TYK2: variants seen among roughly 807,000 people sequenced by gnomAD.
The protein encoded by TYK2 is tyrosine kinase 2.
TYK2 carries 65 observed loss-of-function variants against 130.9 expected under a neutral mutation model. The ratio of observed to expected loss-of-function variants is 0.50; its 90% CI spans 0.41 to 0.61. The LOEUF is 0.61. Ranked by LOEUF, TYK2 falls within the 20% of genes least tolerant of loss-of-function variation. The probability of loss-of-function intolerance (pLI) is 0.00; values close to 1 mark genes in which losing one functional copy is unlikely to be tolerated. For synonymous variants in TYK2, 647 were observed against 658.9 expected (o/e 0.98, Z 0.28); for missense variants, 1,378 against 1,610.7 (o/e 0.86, Z 2.47).
intron 11 of TYK2, 30 bp from the exon 12 acceptor site, chr19:10,362,211 G>A (rs746330429): frequency 7.4e-6 from 12 of 1,613,686 alleles, no homozygotes; most frequent in South Asian, 5.5e-5. Context: ...CATGGAGGGC[G>A]GGCCTGGGGG....
At chr19:10,357,621 G>T (rs757820135) in intron 17 of TYK2, 143 bp downstream of exon 17, 1 of 1,168,486 alleles carries the variant, frequency 8.6e-7, no homozygotes, top group Non-Finnish European at 1.2e-6. Context: ...TTGAGCCCCA[G>T]CGAGTGGCCC....
rs148520054 is a variant in TYK2 at position 10,365,699 on chromosome 19, C to A, written c.829G>T (p.Val277Leu). The change falls in exon 7 of 25, where the codon GTG (valine) becomes TTG (leucine). Residue 277 changes from valine to leucine, a missense_variant. By Grantham distance (32) the Val-to-Leu change is conservative. Coordinates refer to ENST00000525621, the MANE Select transcript of TYK2 (RefSeq NM_003331.5). Reference protein sequence around the residue: ...APRFGTERVPVCHLRLLAQAE... With the variant: ...APRFGTERVPLCHLRLLAQAE... Reference sequence around the variant, plus strand: ...TGGGCCAGCAGCCTCAGGTGGCACACGGGCACACGCTCTGTGCCGAAGCGG... The same window carrying A: ...TGGGCCAGCAGCCTCAGGTGGCACAAGGGCACACGCTCTGTGCCGAAGCGG... 3.7e-6 allele frequency: 6 copies of A among 1,613,130 alleles called. No homozygotes were observed. In the South Asian group the frequency reaches 4.4e-5, roughly 12 times the overall value.
At chr19:10,370,075 GC>G (rs1313197296) in intron 3 of TYK2, among the ~76,000 whole-genome samples, 1 of 151,390 alleles carries the variant, frequency 6.6e-6, no homozygotes, top group Non-Finnish European at 1.5e-5. Flanking sequence ...CAAAGAATCA[GC>G]CATGGCCAGG....
chr19:10,352,697 T>C (rs937747970), intron 22 of TYK2, 146 bp from the exon 23 acceptor site: 13 of 723,612 alleles, frequency 1.8e-5, no homozygotes, highest in African/African-American at 3.6e-5. Context: ...CGGGGTGATA[T>C]GCTCATTGGC....
chr19:10,372,480 A>ATTT lies in TYK2; in HGVS notation c.194-4063_194-4062insAAA, dbSNP rs1368114611. Among the ~76,000 whole-genome samples the ATTT allele has an allele frequency of 4.2e-3, 266 of 63,976 alleles. 3 individuals are homozygous for ATTT. Among genetic ancestry groups the ATTT allele is most frequent in the African/African-American group, 0.022 (224 of 10,240 alleles). 42.0% of individuals were successfully genotyped at this position (63,976 alleles called of 152,430 possible). Reference sequence around the variant, plus strand: ...CAGCTATATATATATATATATATATATATATTTTTTTTTTTTTTTTTTTTT... The same window carrying ATTT: ...CAGCTATATATATATATATATATATATTTTATATTTTTTTTTTTTTTTTTTTTT... On this transcript the variant is annotated intron_variant, in intron 3 of 24. Coordinates refer to ENST00000525621, the MANE Select transcript of TYK2 (RefSeq NM_003331.5).
Position 10,351,086 on chromosome 19 carries a change from T to TC in TYK2, c.3394dup (p.Glu1132GlyfsTer12). 1 of 1,614,110 alleles carries TC rather than the reference T, an allele frequency of 6.2e-7. No individual in the cohort carries two copies. Among genetic ancestry groups the TC allele is most frequent in the Non-Finnish European group, 8.5e-7 (1 of 1,180,016 alleles). On this transcript the variant is annotated frameshift_variant, in exon 24 of 25. Transcript: ENST00000525621. LOFTEE classifies it high-confidence loss of function. ...ACATTTGTCGGGCCGTGGCAGCCTC[T>TC]CCCCTCGTTCCAGCAACTCAGTGAG...
At position 10,357,496 on chromosome 19, in the gene TYK2, G is replaced by A. The variant is rs540830489; in HGVS notation, c.2466+268C>T. On this transcript the variant is annotated intron_variant, in intron 17 of 24. Coordinates refer to ENST00000525621, the MANE Select transcript of TYK2 (RefSeq NM_003331.5). Reference sequence around the variant, plus strand: ...TTCTTCCCCACTCTGCAGCCTGGGCGTCTCCCATCGCTGCCCTGGTCACTC... The same window carrying A: ...TTCTTCCCCACTCTGCAGCCTGGGCATCTCCCATCGCTGCCCTGGTCACTC... The A allele has an allele frequency of 1.2e-3, 826 of 705,702 alleles. 1 individual carries two copies. The highest frequency in any genetic ancestry group is 1.6e-3 in the Non-Finnish European group (603 of 387,498). The allele number at this position is 705,702 out of a possible 1,614,324, so 43.7% of individuals were successfully genotyped here.
chr19:10,352,872 C>T lies in TYK2; in HGVS notation c.3200+54G>A, dbSNP rs1223876533. The T allele has an allele frequency of 2.6e-6, 4 of 1,537,360 alleles. No homozygotes were observed. In the East Asian group the frequency reaches 9.1e-5, roughly 35 times the overall value. On this transcript the variant is annotated intron_variant, in intron 22 of 24. Coordinates refer to ENST00000525621, the MANE Select transcript of TYK2 (RefSeq NM_003331.5). ...ATACCCAGCATCCGTCTACTCCACC[C>T]TGCCTGTTCCAAGTGACCCCAGCAC... is the stretch of plus-strand genomic sequence containing the variant.
rs1314158344 is a variant in TYK2 at position 10,362,152 on chromosome 19, C to T, written c.1699G>A (p.Ala567Thr). ...ETSNLIIMRG[A>T]RASPRTLNLS... ...TTGAGTGTCCTGGGGCTGGCCCGAG[C>T]CCCCCGCATGATGATGAGATTGGAG... is the stretch of plus-strand genomic sequence containing the variant. The change falls in exon 12 of 25, where the codon GCT becomes ACT. Residue 567 changes from alanine (A) to threonine (T), a missense_variant. Ala to Thr is a moderately conservative substitution (Grantham distance 58, BLOSUM62 0). Coordinates refer to ENST00000525621, the MANE Select transcript of TYK2 (RefSeq NM_003331.5). 1.2e-6 allele frequency: 2 copies of T among 1,613,858 alleles called. No homozygotes were observed. The highest frequency in any genetic ancestry group is 2.7e-5 in the African/African-American group (2 of 75,032).
chr19:10,364,689 C>G lies in TYK2; in HGVS notation c.1292G>C (p.Ser431Thr). The G allele has an allele frequency of 3.1e-6, 5 of 1,613,818 alleles. No individual in the cohort carries two copies. Among genetic ancestry groups the G allele is most frequent in the Non-Finnish European group, 4.2e-6 (5 of 1,179,992 alleles). The change falls in exon 9 of 25, where the codon AGC (serine) becomes ACC (threonine). Residue 431 changes from serine (S) to threonine (T), a missense_variant. By Grantham distance (58) the Ser-to-Thr change is moderately conservative (BLOSUM62 1). Coordinates refer to ENST00000525621, the MANE Select transcript of TYK2 (RefSeq NM_003331.5). The surrounding 1 kb of genome is among the most constrained non-coding windows in gnomAD (Gnocchi z 4.9). Reference sequence around the variant, plus strand: ...AGCCACCTCGTGGCACAGGTAGTGGCTGGAGTCGGCCGTCAGGCGGAAATA... The same window carrying G: ...AGCCACCTCGTGGCACAGGTAGTGGGTGGAGTCGGCCGTCAGGCGGAAATA... ...DGYFRLTADS[S>T]HYLCHEVAPP...
chr19:10,357,648 G>T, intron 17 of TYK2, 116 bp downstream of exon 17: 1 of 1,432,188 alleles, frequency 7.0e-7, no homozygotes, highest in Non-Finnish European at 9.5e-7. Context: ...TGGTAGCCCA[G>T]AGAGACTTGA....
chr19:10,356,355 G>A (rs2145173211), intron 18 of TYK2, among the ~76,000 whole-genome samples: 1 of 152,294 alleles, frequency 6.6e-6, no homozygotes, highest in East Asian at 1.9e-4. Flanking sequence ...CTCCAGGCTG[G>A]GTGACAGAGC....
chr19:10,379,285 C>T (rs1292735569), intron 2 of TYK2, among the ~76,000 whole-genome samples: 1 of 151,878 alleles, frequency 6.6e-6, no homozygotes, highest in Non-Finnish European at 1.5e-5. Context: ...GCAGTGATCG[C>T]ACCACTGCAT....
In TYK2 at chr19:10,360,362, T is replaced by C. The variant is rs2041338914; in HGVS notation, c.2048-1060A>G. On this transcript the variant is annotated intron_variant, in intron 14 of 24. Coordinates refer to ENST00000525621, the MANE Select transcript of TYK2 (RefSeq NM_003331.5). ...ATTTTTAAAAATCAGCCGGGTGTGA[T>C]AGCACACGCCTGTCATCCCAGGTGC... Among the ~76,000 whole-genome samples, 3 of 151,950 alleles carry C rather than the reference T, an allele frequency of 2.0e-5. No individual in the cohort carries two copies. In the South Asian group the frequency reaches 6.2e-4, roughly 32 times the overall value.
chr19:10,356,335 C>T (rs565712276), intron 18 of TYK2, among the ~76,000 whole-genome samples: 1 of 152,288 alleles, frequency 6.6e-6, no homozygotes, highest in Admixed American at 6.5e-5. Flanking sequence ...GCCAAGATCA[C>T]GTCACTGCGC....
At chr19:10,351,536 G>T in intron 23 of TYK2, 1 of 320,368 alleles carries the variant, frequency 3.1e-6, no homozygotes, top group Non-Finnish European at 6.1e-6. Flanking sequence ...CGACTGCATG[G>T]GTTCCAATCC....
In TYK2 at chr19:10,350,933, C is replaced by T; in HGVS notation, c.3465G>A (p.Glu1155=). Residue 1155 remains glutamate (E), a synonymous_variant, in exon 25 of 25, where the codon GAG becomes GAA. Transcript: ENST00000525621. ...TCTCGAAGGTTGGGCGAAAGGACGC[C>T]TCTGTCTCCCAGCAGTTCTTCATGA... ...YHLMKNCWET[E]ASFRPTFENL... The T allele has an allele frequency of 2.5e-6, 4 of 1,614,196 alleles. No individual in the cohort carries two copies. The highest frequency in any genetic ancestry group is 3.4e-6 in the Non-Finnish European group (4 of 1,180,042).
Position 10,361,923 on chromosome 19 carries a change from G to T in TYK2, c.1806C>A (p.Asn602Lys). The change falls in exon 13 of 25, where the codon AAC becomes AAA. Residue 602 changes from asparagine to lysine, a missense_variant. Coordinates refer to ENST00000525621, the MANE Select transcript of TYK2 (RefSeq NM_003331.5). This position sits in a 1 kb window ranked among gnomAD's most constrained non-coding sequence, Gnocchi z 4.0. ...CCACTCGCAGGCGGCCCTCATACAC[G>T]TTGGTCCTTGTGCCCTGGCCCAAGT... ...LSHLGQGTRT[N>K]VYEGRLRVEG... 2 of 1,614,024 alleles carry T rather than the reference G, an allele frequency of 1.2e-6. No homozygotes were observed. Among genetic ancestry groups the T allele is most frequent in the Non-Finnish European group, 1.7e-6 (2 of 1,179,992 alleles).
At chr19:10,376,730 G>A (rs911188382) in intron 3 of TYK2, among the ~76,000 whole-genome samples, 3 of 152,084 alleles carry the variant, frequency 2.0e-5, no homozygotes, top group Non-Finnish European at 2.9e-5. Context: ...AGCCTCCTGA[G>A]TAGCTGGAAT....
Sources: allele counts gnomAD v4.1 joint callset (sites outside exome capture counted in the v4.1 genomes callset), GRCh38; gene constraint gnomAD v4.1.1; non-coding constraint Gnocchi (gnomAD v3.1); transcripts MANE v1.5; gene names NCBI Gene and HGNC (gene_info 2026-07-23, HGNC 2026-07-21).